Variants in PRKX observed in about 807,000 individuals in gnomAD.
The protein encoded by PRKX is protein kinase cAMP-dependent X-linked catalytic subunit.
In PRKX, 12 loss-of-function variants were observed where a neutral mutation model predicts 22.0. The ratio of observed to expected loss-of-function variants is 0.54; its 90% CI spans 0.35 to 0.88. The LOEUF (loss-of-function observed/expected upper bound fraction) is 0.88. Ranked by LOEUF, PRKX falls within the 40% of genes least tolerant of loss-of-function variation. The pLI, the probability that PRKX is intolerant of heterozygous loss-of-function variation, is 0.01. For missense variants in PRKX, 217 were observed against 308.0 expected, an observed-to-expected ratio of 0.70 and a Z score of 2.21; for synonymous variants, 134 against 137.7, an observed-to-expected ratio of 0.97 and a Z score of 0.19.
intron 3 of PRKX, among the ~76,000 whole-genome samples, chrX:3,647,311 C>T (rs1205964154): frequency 1.9e-5 from 2 of 105,667 alleles, no homozygotes; most frequent in African/African-American, 3.4e-5. Flanking sequence ...TTTATGAGCA[C>T]ATATAATTAT....
chrX:3,659,726 TTTG>T lies in PRKX; in HGVS notation c.336-4317_336-4315del, dbSNP rs376321408. On this transcript the variant is annotated intron_variant, in intron 2 of 8. Transcript: ENST00000262848. ...GAGTGGTGTTTTTTTTGTTTTTTTT[TTTG>T]TTTTTTTTTTTTTTGAGACAGTCTT... 6.8e-3 allele frequency among the ~76,000 whole-genome samples: 193 copies of T among 28,246 alleles called. 3 individuals carry two copies. The highest frequency in any genetic ancestry group is 0.031 in the African/African-American group (143 of 4,553). The allele number at this position is 28,246 out of a possible 115,157, so 24.5% of individuals were successfully genotyped here.
At chrX:3,682,102 C>T (rs1466640125) in intron 1 of PRKX, among the ~76,000 whole-genome samples, 1 of 110,923 alleles carries the variant, frequency 9.0e-6, no homozygotes, top group East Asian at 2.8e-4. Flanking sequence ...AGTACTTTCC[C>T]TTGGGGTCCG....
At chrX:3,612,988 C>T (rs1156964422) in intron 7 of PRKX, among the ~76,000 whole-genome samples, 1 of 106,124 alleles carries the variant, frequency 9.4e-6, no homozygotes, top group Non-Finnish European at 1.9e-5. Context: ...CTGTCTCTAC[C>T]GAAAAGACAA....
At chrX:3,653,649 T>A (rs6641593) in intron 3 of PRKX, among the ~76,000 whole-genome samples, 841 of 40,137 alleles carry the variant, frequency 0.021, 17 homozygotes, top group Middle Eastern at 0.1. Context: ...AATATATATA[T>A]TATATATAAT....
At chrX:3,690,629 G>C (rs1306489359) in intron 1 of PRKX, among the ~76,000 whole-genome samples, 1 of 111,231 alleles carries the variant, frequency 9.0e-6, no homozygotes, top group Non-Finnish European at 1.9e-5. Context: ...CTACTTGGGA[G>C]GCTGAGGCAG....
At chrX:3,674,843 G>C (rs1221883682) in intron 1 of PRKX, 77 bp from the exon 2 acceptor site, 6 of 1,118,410 alleles carry the variant, frequency 5.4e-6, no homozygotes, top group Non-Finnish European at 7.4e-6. Context: ...TGCAATCAGC[G>C]GGGGGCTGCA....
At chrX:3,644,551 TG>T (rs1371385801) in intron 3 of PRKX, among the ~76,000 whole-genome samples, 1 of 110,912 alleles carries the variant, frequency 9.0e-6, no homozygotes, top group Non-Finnish European at 1.9e-5. Context: ...GAGCTAAGTA[TG>T]GAACAGGGAC....
At chrX:3,706,561 C>T (rs777904392) in intron 1 of PRKX, among the ~76,000 whole-genome samples, 1 of 110,395 alleles carries the variant, frequency 9.1e-6, no homozygotes, top group East Asian at 2.9e-4. Context: ...TCTCAGCCCA[C>T]TGCAACCTCA....
intron 1 of PRKX, among the ~76,000 whole-genome samples, chrX:3,691,329 C>A (rs1207034390): frequency 9.0e-6 from 1 of 111,299 alleles, no homozygotes; most frequent in Non-Finnish European, 1.9e-5. Flanking sequence ...CAAGAACTCG[C>A]CGTGCCTCAA....
chrX:3,667,090 A>ACAAG (rs1927750107), intron 2 of PRKX, among the ~76,000 whole-genome samples: 1 of 111,218 alleles, frequency 9.0e-6, no homozygotes, highest in African/African-American at 3.3e-5. Context: ...AACGACTGAG[A>ACAAG]CAAGGGAGGT....
At chrX:3,650,520 C>CAAAAA (rs748871957) in intron 3 of PRKX, among the ~76,000 whole-genome samples, 567 of 37,058 alleles carry the variant, frequency 0.015, 3 homozygotes, top group East Asian at 0.045. Flanking sequence ...GACTCCTCTC[C>CAAAAA]AAAAAAAAAA....
At chrX:3,646,851 G>A (rs780856034) in intron 3 of PRKX, among the ~76,000 whole-genome samples, 2 of 110,784 alleles carry the variant, frequency 1.8e-5, no homozygotes, top group African/African-American at 3.3e-5. Context: ...GGGTTTCCTC[G>A]GTGACAATGG....
At chrX:3,701,270 G>A (rs1403778851) in intron 1 of PRKX, among the ~76,000 whole-genome samples, 4 of 108,397 alleles carry the variant, frequency 3.7e-5, no homozygotes, top group African/African-American at 1.0e-4. Flanking sequence ...CACCACACAC[G>A]GCTGATTTTA....
chrX:3,631,543 G>C (rs1480777936), intron 4 of PRKX, among the ~76,000 whole-genome samples: 1 of 112,076 alleles, frequency 8.9e-6, no homozygotes, highest in Admixed American at 9.5e-5. Flanking sequence ...GTGGCCCTCA[G>C]AAAGATCTGT....
At chrX:3,704,128 A>T (rs116378766) in intron 1 of PRKX, among the ~76,000 whole-genome samples, 4,564 of 112,085 alleles carry the variant, frequency 0.041, 217 homozygotes, top group African/African-American at 0.14. Context: ...TGCCCACCCA[A>T]GAAATGCAGC....
intron 2 of PRKX, among the ~76,000 whole-genome samples, chrX:3,672,633 G>C (rs1297258975): frequency 9.0e-6 from 1 of 111,161 alleles, no homozygotes; most frequent in East Asian, 2.8e-4. Flanking sequence ...GCTCCAGGAG[G>C]CGCAGGGGGT....
intron 1 of PRKX, among the ~76,000 whole-genome samples, chrX:3,698,351 T>C (rs1928486006): frequency 1.8e-5 from 2 of 111,237 alleles, no homozygotes. Context: ...TTCTCTTTTT[T>C]ATTTTTAGAG....
chrX:3,646,061 G>A (rs771614322), intron 3 of PRKX, among the ~76,000 whole-genome samples: 4 of 112,319 alleles, frequency 3.6e-5, no homozygotes, highest in South Asian at 3.7e-4. Flanking sequence ...TTGGGAGGCC[G>A]AGGCAAGTGG....
chrX:3,655,770 A>G (rs1569052311), intron 2 of PRKX, among the ~76,000 whole-genome samples: 1 of 112,595 alleles, frequency 8.9e-6, no homozygotes, highest in Non-Finnish European at 1.9e-5. Flanking sequence ...ATAGGTATAG[A>G]AAGATGTTAA....
Sources: gnomAD v4.1 joint callset for allele counts (sites outside exome capture counted in the v4.1 genomes callset) on GRCh38, gnomAD v4.1.1 for gene constraint, MANE v1.5 for transcripts, NCBI Gene and HGNC (gene_info 2026-07-23, HGNC 2026-07-21) for gene names.